The following RANBP9 variants were observed in gnomAD, a reference collection of about 807,000 sequenced individuals.
The protein encoded by RANBP9 is RAN binding protein 9, also known as ran-binding protein 9.
In RANBP9, 15 loss-of-function variants were observed where a neutral mutation model predicts 84.3. The ratio of observed to expected loss-of-function variants is 0.18; its 90% confidence interval spans 0.12 to 0.27. RANBP9 has a LOEUF of 0.27. Ranked by LOEUF, RANBP9 falls within the 10% of genes least tolerant of loss-of-function variation. The pLI is 1.00. For missense variants in RANBP9, 809 were observed against 912.8 expected (o/e 0.89, Z 1.46); for synonymous variants, 392 against 349.6 (o/e 1.12, Z -1.35).
At chr6:13,668,789 T>C (rs377631148) in intron 2 of RANBP9, among the ~76,000 whole-genome samples, 1 of 152,030 alleles carries the variant, frequency 6.6e-6, no homozygotes, top group South Asian at 2.1e-4. Context: ...TACTTAGTGG[T>C]AAAAGACTGA....
chr6:13,659,701 A>C (rs1655286345), intron 2 of RANBP9, among the ~76,000 whole-genome samples: 1 of 152,204 alleles, frequency 6.6e-6, no homozygotes, highest in Non-Finnish European at 1.5e-5. Context: ...CATTTGATAA[A>C]ATTCGGCCAC....
chr6:13,662,179 A>C (rs980029130), intron 2 of RANBP9, among the ~76,000 whole-genome samples: 4 of 152,180 alleles, frequency 2.6e-5, no homozygotes, highest in Non-Finnish European at 4.4e-5. Flanking sequence ...TTATCAATTT[A>C]AAAAATACTA....
intron 4 of RANBP9, among the ~76,000 whole-genome samples, chr6:13,655,839 TAAC>T: frequency 6.6e-6 from 1 of 152,328 alleles, no homozygotes; most frequent in East Asian, 1.9e-4. Context: ...GTCAGAATAG[TAAC>T]AACAAATAAA....
chr6:13,652,961 A>G (rs1055953866), intron 4 of RANBP9, among the ~76,000 whole-genome samples: 27 of 152,162 alleles, frequency 1.8e-4, no homozygotes, highest in Admixed American at 1.7e-3. Context: ...ACTTTTAGAT[A>G]TATCTTCAAA....
At chr6:13,631,534 A>C (rs573546568) in intron 12 of RANBP9, among the ~76,000 whole-genome samples, 1 of 152,278 alleles carries the variant, frequency 6.6e-6, no homozygotes, top group South Asian at 2.1e-4. Flanking sequence ...GGGATACTCA[A>C]CCTGTACTAA....
intron 4 of RANBP9, among the ~76,000 whole-genome samples, chr6:13,653,912 C>G (rs1225801011): frequency 1.3e-5 from 2 of 151,864 alleles, no homozygotes; most frequent in South Asian, 4.1e-4. Context: ...CAAGTACTAT[C>G]AGCCCAAATA....
In RANBP9 at chr6:13,622,737, T is replaced by G. The variant is rs78308742; in HGVS notation, c.2060-245A>C. ...CTGGCAGAATCAGACTTTTAAAGTA[T>G]CAGATACTAAAATACTTCCATATTA... On this transcript the variant is annotated intron_variant, in intron 13 of 13. Coordinates refer to ENST00000011619, the MANE Select transcript of RANBP9 (RefSeq NM_005493.3). Among the ~76,000 whole-genome samples the G allele has an allele frequency of 6.1e-3, 924 of 152,330 alleles. 4 individuals are homozygous for G. Among genetic ancestry groups the G allele is most frequent in the African/African-American group, 0.021 (861 of 41,564 alleles).
intron 1 of RANBP9, among the ~76,000 whole-genome samples, chr6:13,699,313 T>C (rs571194600): frequency 6.6e-6 from 1 of 152,304 alleles, no homozygotes; most frequent in South Asian, 2.1e-4. Flanking sequence ...CTGTAAATAT[T>C]AAAACTAAAA....
In RANBP9 at chr6:13,639,634, C is replaced by T. The variant is rs768465841; in HGVS notation, c.1454G>A (p.Ser485Asn). Residue 485 changes from serine to asparagine, a missense_variant, in exon 9 of 14, where the codon AGT (serine) becomes AAT (asparagine). Ser to Asn is a conservative substitution (Grantham distance 46, BLOSUM62 1). Around this residue, in one of 5 missense-constraint regions of RANBP9, gnomAD observed 216 missense variants for 329.0 expected, o/e 0.66. Transcript: ENST00000011619. The part of the protein sequence containing the change: ...PVSPRPFSSP[S>N]MSPSHGMNIH... The stretch of plus-strand genomic sequence containing the variant: ...ATTCATTCCATGGCTGGGGCTCATA[C>T]TTGGACTACTAAAAGGTCGAGGACT... 1 of 1,613,224 alleles carries T rather than the reference C, an allele frequency of 6.2e-7. No homozygotes were observed. The highest frequency in any genetic ancestry group is 1.3e-5 in the African/African-American group (1 of 75,016).
chr6:13,705,648 T>G (rs975137233), intron 1 of RANBP9, among the ~76,000 whole-genome samples: 13 of 150,996 alleles, frequency 8.6e-5, no homozygotes, highest in African/African-American at 3.2e-4. Flanking sequence ...GATCACAAGG[T>G]CAGGAGATCA....
At chr6:13,637,114 G>C (rs1764956729) in intron 10 of RANBP9, among the ~76,000 whole-genome samples, 1 of 152,134 alleles carries the variant, frequency 6.6e-6, no homozygotes, top group Non-Finnish European at 1.5e-5. Flanking sequence ...GTCACTTCAT[G>C]AACTTTTAGG....
chr6:13,666,626 A>C (rs1311503191), intron 2 of RANBP9, among the ~76,000 whole-genome samples: 3 of 140,118 alleles, frequency 2.1e-5, no homozygotes, highest in African/African-American at 8.2e-5. Flanking sequence ...AAAAAAAAAA[A>C]AAGATTGGCA....
intron 5 of RANBP9, among the ~76,000 whole-genome samples, chr6:13,650,733 A>G (rs773130132): frequency 4.6e-5 from 7 of 152,192 alleles, no homozygotes; most frequent in Non-Finnish European, 7.4e-5. Context: ...TTGATGACGG[A>G]GAAGACAGTA....
At chr6:13,675,743 AAACACAAATTATT>A (rs1026653211) in intron 2 of RANBP9, among the ~76,000 whole-genome samples, 25 of 151,968 alleles carry the variant, frequency 1.6e-4, no homozygotes, top group Non-Finnish European at 3.1e-4. Flanking sequence ...AACAAAAAAA[AAACACAAATTATT>A]AATACCAAAA....
At chr6:13,648,141 G>GTTTTTTTT (rs375219477) in intron 5 of RANBP9, among the ~76,000 whole-genome samples, 1,114 of 80,678 alleles carry the variant, frequency 0.014, 96 homozygotes, top group Non-Finnish European at 0.021. Flanking sequence ...TATATGACTG[G>GTTTTTTTT]TTTTTTTTTT....
At chr6:13,655,407 T>A (rs1430358273) in intron 4 of RANBP9, among the ~76,000 whole-genome samples, 2 of 152,010 alleles carry the variant, frequency 1.3e-5, no homozygotes, top group Non-Finnish European at 2.9e-5. Context: ...GAGGCAGAGG[T>A]TCTGAGCCGA....
Position 13,659,241 on chromosome 6 carries a change from C to CA in RANBP9, c.684-410_684-409insT, listed in dbSNP as rs1562308362. ...CAAGGGACACAGTACAAATTTAGAC[C>CA]CCACACACACACACATACACACACA... On this transcript the variant is annotated intron_variant, in intron 2 of 13. Transcript: ENST00000011619. 7.9e-4 allele frequency among the ~76,000 whole-genome samples: 86 copies of CA among 108,994 alleles called. No individual in the cohort carries two copies. In the East Asian group the frequency reaches 0.016, roughly 20 times the overall value. The allele number at this position is 108,994 out of a possible 152,430, so 71.5% of individuals were successfully genotyped here. A position where few individuals can be genotyped will look rare whatever the true frequency, so the allele number is the denominator to read the frequency against.
At chr6:13,706,913 G>A (rs1758139211) in intron 1 of RANBP9, among the ~76,000 whole-genome samples, 1 of 151,428 alleles carries the variant, frequency 6.6e-6, no homozygotes, top group Non-Finnish European at 1.5e-5. Flanking sequence ...AGGAGGCTGA[G>A]GCAGAAGAAC....
intron 1 of RANBP9, among the ~76,000 whole-genome samples, chr6:13,710,610 A>C (rs1758251791): frequency 6.6e-6 from 1 of 152,104 alleles, no homozygotes; most frequent in African/African-American, 2.4e-5. Context: ...AAGCCCCAAG[A>C]TTTATCTCCC....
Sources: allele counts gnomAD v4.1 joint callset (sites outside exome capture counted in the v4.1 genomes callset), GRCh38; gene constraint gnomAD v4.1.1; regional missense constraint gnomAD v4.1.1; transcripts MANE v1.5; gene names NCBI Gene and HGNC (gene_info 2026-07-23, HGNC 2026-07-21).